Variants in THSD7B observed in about 807,000 individuals in gnomAD.
THSD7B encodes the protein thrombospondin type 1 domain containing 7B.
A neutral mutation model predicts 213.6 loss-of-function variants in THSD7B; 138 were observed. That is an observed-to-expected ratio of 0.65 (90% CI 0.56 to 0.74). The LOEUF (loss-of-function observed/expected upper bound fraction) is 0.74, where lower values mean the gene tolerates loss of function less well. Among genes scored for constraint, THSD7B ranks in the 30% least tolerant of loss-of-function variants. The pLI is 0.00. For synonymous variants in THSD7B, 742 were observed against 687.0 expected, an observed-to-expected ratio of 1.08 and a Z score of -1.25; for missense variants, 1,931 against 1,991.5, an observed-to-expected ratio of 0.97 and a Z score of 0.58.
At position 137,272,639 on chromosome 2, in the gene THSD7B, T is replaced by A; in HGVS notation, c.2373T>A (p.Asp791Glu). ...DTLYEERECE[D>E]VSLCPVYRWK... ...TATATGAGGAGAGAGAGTGTGAAGA[T>A]GTTTCCTTGTGTCCTGTATATCGGC... The change falls in exon 11 of 28, where the codon GAT (aspartate) becomes GAA (glutamate). Residue 791 changes from aspartate (D) to glutamate (E), a missense_variant. Asp to Glu is a conservative substitution (Grantham distance 45). Transcript: ENST00000409968. The A allele has an allele frequency of 6.2e-7, 1 of 1,612,052 alleles. No homozygotes were observed. Among genetic ancestry groups the A allele is most frequent in the Non-Finnish European group, 8.5e-7 (1 of 1,178,900 alleles).
intron 17 of THSD7B, among the ~76,000 whole-genome samples, chr2:137,585,141 A>G (rs1178360673): frequency 6.6e-6 from 1 of 152,128 alleles, no homozygotes; most frequent in Non-Finnish European, 1.5e-5. Context: ...TGTTTATAGT[A>G]TTCTCTGATG....
intron 5 of THSD7B, among the ~76,000 whole-genome samples, chr2:137,136,029 A>G (rs1679450411): frequency 6.6e-6 from 1 of 152,114 alleles, no homozygotes; most frequent in Non-Finnish European, 1.5e-5. Context: ...GGAAACCATC[A>G]TTATCAGCAA....
chr2:137,404,470 TATATACACACAC>T (rs1203922929), intron 12 of THSD7B, among the ~76,000 whole-genome samples: 4 of 62,540 alleles, frequency 6.4e-5, no homozygotes, highest in South Asian at 1.5e-3. Context: ...TATATATATA[TATATACACACAC>T]ACACACACAC....
chr2:137,301,016 A>G (rs1370352557), intron 12 of THSD7B, among the ~76,000 whole-genome samples: 1 of 152,152 alleles, frequency 6.6e-6, no homozygotes, highest in Non-Finnish European at 1.5e-5. Flanking sequence ...TGCAATTATC[A>G]TCACTATCAA....
intron 6 of THSD7B, among the ~76,000 whole-genome samples, chr2:137,160,857 C>T (rs6713858): frequency 0.4 from 61,464 of 151,994 alleles, 13,576 homozygotes; most frequent in Non-Finnish European, 0.48. Flanking sequence ...CTCCTGACCT[C>T]GTGATCTGCC....
intron 15 of THSD7B, among the ~76,000 whole-genome samples, chr2:137,477,207 C>T (rs1037591244): frequency 1.7e-4 from 26 of 152,138 alleles, no homozygotes; most frequent in African/African-American, 5.8e-4. Flanking sequence ...TGAGTGTATA[C>T]ATGTTTACAA....
chr2:137,603,107 T>C (rs993816586), intron 17 of THSD7B, among the ~76,000 whole-genome samples: 5 of 152,232 alleles, frequency 3.3e-5, no homozygotes, highest in African/African-American at 1.2e-4. Context: ...TTTGCTGAAC[T>C]GCTGTCTCAT....
At chr2:137,360,219 G>A (rs968962581) in intron 12 of THSD7B, among the ~76,000 whole-genome samples, 2 of 152,138 alleles carry the variant, frequency 1.3e-5, no homozygotes, top group African/African-American at 4.8e-5. Context: ...TTGAGGAAGA[G>A]GTTTAGAATT....
At chr2:137,102,525 G>T (rs1230191081) in intron 4 of THSD7B, among the ~76,000 whole-genome samples, 1 of 152,160 alleles carries the variant, frequency 6.6e-6, no homozygotes, top group Non-Finnish European at 1.5e-5. Context: ...AACAAAACTG[G>T]ATGGAGAATG....
intron 2 of THSD7B, among the ~76,000 whole-genome samples, chr2:136,982,138 T>A (rs919584124): frequency 1.3e-5 from 2 of 152,152 alleles, no homozygotes; most frequent in Non-Finnish European, 2.9e-5. Context: ...TAAATTCAAG[T>A]GATGCACCCA....
chr2:137,102,236 C>T (rs539388392), intron 4 of THSD7B, among the ~76,000 whole-genome samples: 114 of 152,264 alleles, frequency 7.5e-4, no homozygotes, highest in African/African-American at 2.7e-3. Flanking sequence ...GCTGGAGATA[C>T]CCAGGCAAAC....
intron 15 of THSD7B, among the ~76,000 whole-genome samples, chr2:137,496,537 C>G (rs902804210): frequency 1.2e-4 from 19 of 152,118 alleles, no homozygotes; most frequent in African/African-American, 4.3e-4. Context: ...GCAGATTTCT[C>G]TCATACAGCA....
chr2:137,497,832 A>G (rs1679606436), intron 15 of THSD7B, among the ~76,000 whole-genome samples: 1 of 152,194 alleles, frequency 6.6e-6, no homozygotes, highest in Admixed American at 6.5e-5. Flanking sequence ...AGTCCCACAT[A>G]TGTAACTTTA....
At chr2:136,961,703 T>A (rs1685222945) in intron 2 of THSD7B, among the ~76,000 whole-genome samples, 1 of 152,126 alleles carries the variant, frequency 6.6e-6, no homozygotes, top group Admixed American at 6.5e-5. Context: ...TAAACTATCA[T>A]GGAAAAGGGG....
At chr2:136,823,441 A>T (rs751433762) in intron 1 of THSD7B, among the ~76,000 whole-genome samples, 1 of 151,782 alleles carries the variant, frequency 6.6e-6, no homozygotes, top group South Asian at 2.1e-4. Flanking sequence ...CGCAAGACGG[A>T]CTCCTTAACA....
At chr2:136,826,483 G>A (rs1682648290) in intron 1 of THSD7B, among the ~76,000 whole-genome samples, 1 of 152,120 alleles carries the variant, frequency 6.6e-6, no homozygotes. Flanking sequence ...ACTGCAAGAG[G>A]ACTGGCCCAA....
At chr2:137,588,540 T>C (rs1681793304) in intron 17 of THSD7B, among the ~76,000 whole-genome samples, 1 of 151,976 alleles carries the variant, frequency 6.6e-6, no homozygotes, top group African/African-American at 2.4e-5. Context: ...TGAATGCTTC[T>C]GATTCCATTT....
chr2:137,054,077 G>GT (rs1687116744), intron 2 of THSD7B, among the ~76,000 whole-genome samples: 1 of 152,122 alleles, frequency 6.6e-6, no homozygotes, highest in East Asian at 1.9e-4. Context: ...CAAGTAACAA[G>GT]AAACATCTCA....
At chr2:137,586,351 G>A (rs1212932506) in intron 17 of THSD7B, among the ~76,000 whole-genome samples, 3 of 152,144 alleles carry the variant, frequency 2.0e-5, no homozygotes, top group African/African-American at 7.2e-5. Flanking sequence ...GGTTAGTATT[G>A]TTATGTGTGA....
Sources: gnomAD v4.1 joint callset for allele counts (sites outside exome capture counted in the v4.1 genomes callset) on GRCh38, gnomAD v4.1.1 for gene constraint, MANE v1.5 for transcripts, NCBI Gene and HGNC (gene_info 2026-07-23, HGNC 2026-07-21) for gene names.